ARHGAP20: variants seen among roughly 807,000 people sequenced by gnomAD.
The protein encoded by ARHGAP20 is Rho GTPase activating protein 20.
In ARHGAP20, 34 loss-of-function variants were observed where a neutral mutation model predicts 73.7. The observed-to-expected ratio is 0.46, with a 90% CI of 0.35 to 0.61. The LOEUF (loss-of-function observed/expected upper bound fraction) is 0.61. Among genes scored for constraint, ARHGAP20 ranks in the 20% least tolerant of loss-of-function variants. The probability of loss-of-function intolerance (pLI) is 0.00; values close to 1 mark genes in which losing one functional copy is unlikely to be tolerated. For missense variants in ARHGAP20, 1,314 were observed against 1,420.9 expected, an observed-to-expected ratio of 0.92 and a Z score of 1.21; for synonymous variants, 523 against 518.2, an observed-to-expected ratio of 1.01 and a Z score of -0.13.
At chr11:110,604,405 G>A (rs971322982) in intron 9 of ARHGAP20, among the ~76,000 whole-genome samples, 1 of 152,086 alleles carries the variant, frequency 6.6e-6, no homozygotes, top group Non-Finnish European at 1.5e-5. Context: ...ACTAAGCAGA[G>A]GATGCCTACA....
chr11:110,624,132 G>A (rs753577334), intron 4 of ARHGAP20, 30 bp downstream of exon 4: 21 of 1,599,986 alleles, frequency 1.3e-5, no homozygotes, highest in Non-Finnish European at 1.8e-5. Flanking sequence ...AGCTAACCCA[G>A]GTAAATAGAG....
At chr11:110,608,758 G>A (rs922960060) in intron 8 of ARHGAP20, among the ~76,000 whole-genome samples, 1 of 152,114 alleles carries the variant, frequency 6.6e-6, no homozygotes, top group Non-Finnish European at 1.5e-5. Flanking sequence ...AAAGCAGAGC[G>A]AAAAGTTTAT....
At chr11:110,708,232 A>T (rs1397957569) in intron 1 of ARHGAP20, among the ~76,000 whole-genome samples, 2 of 152,188 alleles carry the variant, frequency 1.3e-5, no homozygotes, top group Non-Finnish European at 1.5e-5. Context: ...GATGACTGTA[A>T]TCAAAAAGGC....
intron 9 of ARHGAP20, among the ~76,000 whole-genome samples, chr11:110,597,291 A>C (rs1280749450): frequency 7.4e-6 from 1 of 134,406 alleles, no homozygotes; most frequent in African/African-American, 3.2e-5. Context: ...ATAATAATAA[A>C]ATTAAAAAAA....
chr11:110,686,650 A>AT, intron 2 of ARHGAP20, among the ~76,000 whole-genome samples: 1 of 152,152 alleles, frequency 6.6e-6, no homozygotes, highest in African/African-American at 2.4e-5. Context: ...TCCTATAGAT[A>AT]ACAGTATTAT....
chr11:110,711,551 G>A (rs1051085714), intron 1 of ARHGAP20: 1 of 1,369,332 alleles, frequency 7.3e-7, no homozygotes, highest in Non-Finnish European at 9.5e-7. Context: ...CTGGTGTGGG[G>A]GGCAGTACTC....
At chr11:110,690,854 G>C (rs1950229449) in intron 1 of ARHGAP20, 13 of 958,742 alleles carry the variant, frequency 1.4e-5, no homozygotes, top group South Asian at 5.1e-5. Context: ...AGTATTTTTT[G>C]TGGTCAGAGA....
At position 110,578,905 on chromosome 11, in the gene ARHGAP20, T is replaced by G. The variant is rs2134767432; in HGVS notation, c.*465A>C. On this transcript the variant is annotated 3_prime_UTR_variant, in exon 15 of 15. Coordinates refer to ENST00000683387, the MANE Select transcript of ARHGAP20 (RefSeq NM_001384657.1). ...TGATGTTCTTCATTACTGGACACAC[T>G]TAATGCTTTGATTAGTGGCATTTTT... 2 of 987,196 alleles carry G rather than the reference T, an allele frequency of 2.0e-6. No homozygotes were observed. The highest frequency in any genetic ancestry group is 4.7e-5 in the South Asian group (1 of 21,408). 61.2% of individuals were successfully genotyped at this position (987,196 alleles called of 1,614,324 possible). A position where few individuals can be genotyped will look rare whatever the true frequency, so the allele number is the denominator to read the frequency against.
chr11:110,597,550 G>A (rs890818689), intron 9 of ARHGAP20, among the ~76,000 whole-genome samples: 2 of 151,748 alleles, frequency 1.3e-5, no homozygotes, highest in Non-Finnish European at 2.9e-5. Flanking sequence ...TCCCTGCCTC[G>A]GCCTCCCAAA....
intron 2 of ARHGAP20, among the ~76,000 whole-genome samples, chr11:110,670,707 A>G (rs1447325597): frequency 6.6e-6 from 1 of 152,092 alleles, no homozygotes; most frequent in Non-Finnish European, 1.5e-5. Context: ...CCCATTTTAT[A>G]CCAAAACCAG....
chr11:110,600,558 T>C (rs1019511267), intron 9 of ARHGAP20, among the ~76,000 whole-genome samples: 1 of 152,180 alleles, frequency 6.6e-6, no homozygotes, highest in African/African-American at 2.4e-5. Context: ...TCCAGGCCAG[T>C]AGTAAGAGCC....
intron 2 of ARHGAP20, among the ~76,000 whole-genome samples, chr11:110,659,387 G>A (rs1282197236): frequency 4.2e-4 from 59 of 141,862 alleles, no homozygotes; most frequent in African/African-American, 1.4e-3. Flanking sequence ...CATATCCTTC[G>A]CCCACTTTTT....
At chr11:110,604,082 C>T (rs186254493) in intron 9 of ARHGAP20, among the ~76,000 whole-genome samples, 2 of 151,946 alleles carry the variant, frequency 1.3e-5, no homozygotes, top group Admixed American at 6.6e-5. Context: ...TGTTTTTTCT[C>T]CTGTTATGTA....
intron 1 of ARHGAP20, among the ~76,000 whole-genome samples, chr11:110,709,021 T>C (rs1024888283): frequency 6.6e-6 from 1 of 152,182 alleles, no homozygotes; most frequent in Non-Finnish European, 1.5e-5. Context: ...TTACACAATG[T>C]ACCACTCAGT....
At chr11:110,605,421 A>G (rs891811084) in intron 9 of ARHGAP20, among the ~76,000 whole-genome samples, 2 of 152,238 alleles carry the variant, frequency 1.3e-5, no homozygotes, top group Admixed American at 6.5e-5. Context: ...TTCAGAAACT[A>G]TATGTTTTAG....
intron 2 of ARHGAP20, among the ~76,000 whole-genome samples, chr11:110,668,570 G>A (rs983933245): frequency 1.5e-4 from 23 of 152,012 alleles, no homozygotes; most frequent in Admixed American, 1.5e-3. Flanking sequence ...GATCACTTGA[G>A]TCCTAGAGGT....
intron 4 of ARHGAP20, among the ~76,000 whole-genome samples, chr11:110,618,166 A>G (rs1035099050): frequency 6.6e-6 from 1 of 151,922 alleles, no homozygotes; most frequent in Non-Finnish European, 1.5e-5. Flanking sequence ...GCATAGAAAA[A>G]AATGTCAACA....
intron 4 of ARHGAP20, among the ~76,000 whole-genome samples, chr11:110,619,751 GTATA>G (rs985402728): frequency 6.6e-6 from 1 of 152,014 alleles, no homozygotes; most frequent in African/African-American, 2.4e-5. Context: ...TAGTGATAGA[GTATA>G]TGTAGTGATA....
At chr11:110,668,511 T>C (rs1240827983) in intron 2 of ARHGAP20, among the ~76,000 whole-genome samples, 1 of 152,016 alleles carries the variant, frequency 6.6e-6, no homozygotes, top group Non-Finnish European at 1.5e-5. Flanking sequence ...TAGCTTGGCA[T>C]GGTGGCACAC....
Sources: allele counts gnomAD v4.1 joint callset (sites outside exome capture counted in the v4.1 genomes callset), GRCh38; gene constraint gnomAD v4.1.1; transcripts MANE v1.5; gene names NCBI Gene and HGNC (gene_info 2026-07-23, HGNC 2026-07-21).